Variants in ARFGEF2 observed in about 807,000 individuals in gnomAD.
ARFGEF2 encodes the protein ARF guanine nucleotide exchange factor 2.
ARFGEF2 carries 74 observed loss-of-function variants against 219.9 expected under a neutral mutation model. The observed-to-expected ratio is 0.34, with a 90% CI of 0.28 to 0.41. ARFGEF2 has a LOEUF of 0.41. ARFGEF2 is among the 10% of genes least tolerant of loss of function. The pLI is 1.00. For synonymous variants in ARFGEF2, 733 were observed against 799.2 expected, an observed-to-expected ratio of 0.92 and a Z score of 1.40; for missense variants, 1,743 against 2,218.3, an observed-to-expected ratio of 0.79 and a Z score of 4.30.
intron 30 of ARFGEF2, among the ~76,000 whole-genome samples, chr20:49,014,198 G>A (rs1000439926): frequency 2.0e-5 from 3 of 151,804 alleles, no homozygotes; most frequent in African/African-American, 7.3e-5. Flanking sequence ...CTGCTGCTTG[G>A]CCCTCAGGCA....
intron 17 of ARFGEF2, 33 bp downstream of exon 17, chr20:48,988,421 A>G (rs2091338564): frequency 2.5e-6 from 4 of 1,611,266 alleles, no homozygotes; most frequent in Non-Finnish European, 3.4e-6. Context: ...ATGTTGTATT[A>G]GCTAAATAAG....
chr20:48,969,065 A>C, intron 8 of ARFGEF2, 82 bp from the exon 9 acceptor site: 1 of 1,480,316 alleles, frequency 6.8e-7, no homozygotes. Context: ...GGCTCAGTGG[A>C]TCCTCCTGCC....
intron 4 of ARFGEF2, among the ~76,000 whole-genome samples, chr20:48,951,946 G>A (rs2091073521): frequency 6.6e-6 from 1 of 152,122 alleles, no homozygotes; most frequent in Non-Finnish European, 1.5e-5. Context: ...TTAACATTAT[G>A]AGGGGAGGGC....
chr20:48,979,954 T>C (rs1220704013), intron 14 of ARFGEF2, among the ~76,000 whole-genome samples: 2 of 152,144 alleles, frequency 1.3e-5, no homozygotes, highest in Non-Finnish European at 2.9e-5. Flanking sequence ...GATTTTTTTT[T>C]GAAGGGTTTT....
At chr20:48,959,127 A>AGGTAC (rs1230562722) in intron 6 of ARFGEF2, among the ~76,000 whole-genome samples, 1 of 152,188 alleles carries the variant, frequency 6.6e-6, no homozygotes, top group African/African-American at 2.4e-5. Flanking sequence ...GTACAGGCAG[A>AGGTAC]GGTACTTGCC....
chr20:48,976,273 C>A, intron 14 of ARFGEF2, 74 bp downstream of exon 14: 1 of 1,564,926 alleles, frequency 6.4e-7, no homozygotes, highest in Non-Finnish European at 8.7e-7. Context: ...GAACTGATTC[C>A]TAAAAAGGAA....
chr20:48,971,079 T>G (rs2091224223), intron 9 of ARFGEF2, 41 bp from the exon 10 acceptor site: 1 of 1,552,666 alleles, frequency 6.4e-7, no homozygotes, highest in Non-Finnish European at 8.9e-7. Context: ...TTTGACATTT[T>G]TTCTTTTAGC....
chr20:49,021,295 A>G (rs919673666), intron 34 of ARFGEF2, among the ~76,000 whole-genome samples: 25 of 152,098 alleles, frequency 1.6e-4, no homozygotes, highest in Non-Finnish European at 1.8e-4. Context: ...TTTCACAGCC[A>G]CTTTCAAAAA....
chr20:49,006,123 G>A (rs909583343), intron 26 of ARFGEF2, among the ~76,000 whole-genome samples: 6 of 151,960 alleles, frequency 3.9e-5, no homozygotes, highest in Middle Eastern at 3.4e-3. Flanking sequence ...GTGAAACCCC[G>A]TCTCTACTAA....
chr20:48,944,033 T>C (rs2091009979), intron 3 of ARFGEF2, among the ~76,000 whole-genome samples: 1 of 152,222 alleles, frequency 6.6e-6, no homozygotes, highest in Non-Finnish European at 1.5e-5. Context: ...TATTAATCTC[T>C]CTTCTTTGTT....
chr20:48,955,314 G>T (rs1041455375), intron 6 of ARFGEF2, among the ~76,000 whole-genome samples: 1 of 152,130 alleles, frequency 6.6e-6, no homozygotes, highest in Non-Finnish European at 1.5e-5. Context: ...AGGTCTCTCA[G>T]TTCAGACTGA....
intron 7 of ARFGEF2, among the ~76,000 whole-genome samples, chr20:48,964,156 C>G (rs2091173409): frequency 6.6e-6 from 1 of 152,184 alleles, no homozygotes; most frequent in Admixed American, 6.5e-5. Flanking sequence ...TGCCTGTAAT[C>G]CCAGCTCTTT....
In ARFGEF2 at chr20:48,976,106, T is replaced by G. The variant is rs1308531502; in HGVS notation, c.1865T>G (p.Val622Gly). Residue 622 changes from valine to glycine, a missense_variant, in exon 14 of 39, where the codon GTG becomes GGG. Val to Gly is a moderately radical substitution (Grantham distance 109, BLOSUM62 -3). This residue lies in a region of ARFGEF2 where 666 missense variants were observed against 955.4 expected (regional missense o/e 0.70). Coordinates refer to ENST00000371917, the MANE Select transcript of ARFGEF2 (RefSeq NM_006420.3). The stretch of plus-strand genomic sequence containing the variant: ...AGTGTGACGTCCATGGAGTCCACAG[T>G]GTCCTCGGGGACCCAGACAACTGTT... ...RCSVTSMEST[V>G]SSGTQTTVQD... 23 of 1,613,646 alleles carry G rather than the reference T, an allele frequency of 1.4e-5. No individual in the cohort carries two copies. Among genetic ancestry groups the G allele is most frequent in the Non-Finnish European group, 1.9e-5 (23 of 1,180,030 alleles).
intron 3 of ARFGEF2, among the ~76,000 whole-genome samples, chr20:48,950,675 G>A (rs1380284545): frequency 6.7e-6 from 1 of 150,166 alleles, no homozygotes; most frequent in Non-Finnish European, 1.5e-5. Flanking sequence ...ATGTGCCTGT[G>A]GTCCCAGCTA....
In ARFGEF2 at chr20:48,953,570, A is replaced by G; in HGVS notation, c.618A>G (p.Arg206=). 1 of 1,614,168 alleles carries G rather than the reference A, an allele frequency of 6.2e-7. No individual in the cohort carries two copies. Among genetic ancestry groups the G allele is most frequent in the South Asian group, 1.1e-5 (1 of 91,084 alleles). Reference sequence around the variant, plus strand: ...TTGCCTTTTAGTTGCAGGAGGCCAGAGAACTGGAAAAACCAATCCAGTCAA... The same window carrying G: ...TTGCCTTTTAGTTGCAGGAGGCCAGGGAACTGGAAAAACCAATCCAGTCAA... ...RMENQVLQEA[R]ELEKPIQSKP... The change falls in exon 6 of 39, where the codon AGA becomes AGG. Residue 206 remains arginine (R), a synonymous_variant. Coordinates refer to ENST00000371917, the MANE Select transcript of ARFGEF2 (RefSeq NM_006420.3).
chr20:48,972,687 G>C (rs917458419), intron 11 of ARFGEF2, among the ~76,000 whole-genome samples: 1 of 152,150 alleles, frequency 6.6e-6, no homozygotes, highest in South Asian at 2.1e-4. Flanking sequence ...ACTTGGTTAC[G>C]TTACCTACAA....
intron 1 of ARFGEF2, among the ~76,000 whole-genome samples, chr20:48,932,873 G>A (rs2090921742): frequency 6.6e-6 from 1 of 152,182 alleles, no homozygotes; most frequent in Non-Finnish European, 1.5e-5. Context: ...TTTAGGGGCA[G>A]CGTTGGTTTC....
At position 49,023,178 on chromosome 20, in the gene ARFGEF2, C is replaced by T. The variant is rs746667514; in HGVS notation, c.4752C>T (p.Ala1584=). The T allele has an allele frequency of 2.5e-6, 4 of 1,614,066 alleles. No homozygotes were observed. The South Asian group carries it at 4.4e-5, about 18-fold the overall frequency. ...KKEDAEHMVA[A]QQDTLDADIH... ...AGGATGCAGAGCACATGGTTGCCGC[C>T]CAGGTAAGAACAGGAGGCCTCAGGA... is the stretch of plus-strand genomic sequence containing the variant. The change falls in exon 35 of 39, where the codon GCC becomes GCT. Residue 1584 remains alanine, a synonymous_variant. Transcript: ENST00000371917.
intron 14 of ARFGEF2, among the ~76,000 whole-genome samples, chr20:48,984,147 T>C (rs2091312446): frequency 6.6e-6 from 1 of 152,226 alleles, no homozygotes; most frequent in African/African-American, 2.4e-5. Context: ...CTAAGGCTGC[T>C]ACGGTGGCCC....
Sources: gnomAD v4.1 joint callset for allele counts (sites outside exome capture counted in the v4.1 genomes callset) on GRCh38, gnomAD v4.1.1 for gene constraint, gnomAD v4.1.1 regional missense constraint, MANE v1.5 for transcripts, NCBI Gene and HGNC (gene_info 2026-07-23, HGNC 2026-07-21) for gene names.